The following CHRNA7 variants were observed in gnomAD, a reference collection of about 807,000 sequenced individuals.
The protein encoded by CHRNA7 is cholinergic receptor nicotinic alpha 7 subunit.
In CHRNA7, 17 loss-of-function variants were observed where a neutral mutation model predicts 48.0. That is an observed-to-expected ratio of 0.35 (90% confidence interval 0.24 to 0.53). The LOEUF is 0.53. CHRNA7 is among the 20% of genes least tolerant of loss of function. CHRNA7 has a pLI of 0.92. For missense variants in CHRNA7, 155 were observed against 577.7 expected (o/e 0.27, Z 7.50); for synonymous variants, 75 against 242.3 (o/e 0.31, Z 6.41).
chr15:32,052,374 A>T (rs1029018345), intron 2 of CHRNA7, among the ~76,000 whole-genome samples: 1 of 152,156 alleles, frequency 6.6e-6, no homozygotes, highest in Non-Finnish European at 1.5e-5. Context: ...TAGGGAGTGT[A>T]GTGGTGGTTA....
chr15:32,030,498 G>T, upstream of CHRNA7: 1 of 1,242,424 alleles, frequency 8.0e-7, no homozygotes, highest in Non-Finnish European at 1.0e-6. Context: ...AAAGGCGCGC[G>T]AGCCGAGCGG....
intron 2 of CHRNA7, among the ~76,000 whole-genome samples, chr15:32,087,999 A>G (rs1380778134): frequency 6.6e-6 from 1 of 152,190 alleles, no homozygotes; most frequent in Non-Finnish European, 1.5e-5. Flanking sequence ...TGTATTATAA[A>G]GTTCTATGAG....
chr15:32,142,385 T>C (rs2051398491), intron 4 of CHRNA7, among the ~76,000 whole-genome samples: 2 of 152,174 alleles, frequency 1.3e-5, no homozygotes, highest in African/African-American at 4.8e-5. Context: ...AATTCTCTTT[T>C]TTGGTTGTGT....
At chr15:32,030,704 C>T (rs942407691) in intron 1 of CHRNA7, 55 bp downstream of exon 1, 9 of 1,544,870 alleles carry the variant, frequency 5.8e-6, no homozygotes, top group Non-Finnish European at 7.8e-6. Context: ...GGGCACATCC[C>T]GGGCGCCTCT....
chr15:32,059,844 A>G (rs558665508), intron 2 of CHRNA7, among the ~76,000 whole-genome samples: 3 of 150,960 alleles, frequency 2.0e-5, no homozygotes, highest in Admixed American at 6.6e-5. Context: ...AGGTGTAAGG[A>G]AAAAAAGGCT....
chr15:32,150,565 TC>T (rs1317850305), intron 4 of CHRNA7, among the ~76,000 whole-genome samples: 1 of 152,076 alleles, frequency 6.6e-6, no homozygotes, highest in Non-Finnish European at 1.5e-5. Flanking sequence ...TAGTTTAACT[TC>T]CATGCAAAAA....
chr15:32,138,549 A>G (rs1204120543), intron 4 of CHRNA7, among the ~76,000 whole-genome samples: 1 of 150,276 alleles, frequency 6.7e-6, no homozygotes, highest in East Asian at 2.0e-4. Flanking sequence ...CCCAGAGTCC[A>G]TAGTTTACAT....
At chr15:32,054,293 A>G (rs557029274) in intron 2 of CHRNA7, among the ~76,000 whole-genome samples, 2 of 152,300 alleles carry the variant, frequency 1.3e-5, no homozygotes, top group Non-Finnish European at 2.9e-5. Context: ...GTGCAAATGG[A>G]TGAAATTTAC....
chr15:32,091,591 T>G (rs1210711653), intron 2 of CHRNA7, among the ~76,000 whole-genome samples: 2 of 152,234 alleles, frequency 1.3e-5, no homozygotes, highest in Non-Finnish European at 2.9e-5. Context: ...ACAGACTAAC[T>G]TGCTTCTTTC....
chr15:32,031,913 C>T (rs1175765323), intron 2 of CHRNA7, among the ~76,000 whole-genome samples: 1 of 151,902 alleles, frequency 6.6e-6, no homozygotes, highest in Non-Finnish European at 1.5e-5. Flanking sequence ...CAGGGTGGGG[C>T]ACAGGGATAA....
intron 5 of CHRNA7, chr15:32,156,196 C>G (rs1205269882): frequency 7.3e-6 from 1 of 137,186 alleles, no homozygotes; most frequent in Non-Finnish European, 1.6e-5. Context: ...CTGTCTGTCT[C>G]GGGCCATTAT....
At chr15:32,074,637 ATATTAT>A (rs113812797) in intron 2 of CHRNA7, among the ~76,000 whole-genome samples, 122 of 141,696 alleles carry the variant, frequency 8.6e-4, no homozygotes, top group African/African-American at 2.3e-3. Context: ...CACATTATTA[ATATTAT>A]TATTATTATT....
At chr15:32,059,915 T>C (rs982177785) in intron 2 of CHRNA7, among the ~76,000 whole-genome samples, 1 of 97,500 alleles carries the variant, frequency 1.0e-5, no homozygotes, top group African/African-American at 4.1e-5. Context: ...ATTAGTATCC[T>C]AAGATCTCTG....
intron 2 of CHRNA7, among the ~76,000 whole-genome samples, chr15:32,033,671 A>G (rs1331247303): frequency 6.6e-6 from 1 of 152,244 alleles, no homozygotes; most frequent in Non-Finnish European, 1.5e-5. Context: ...AAGCAGAGCC[A>G]GGTCTCTCCA....
At chr15:32,033,401 T>C (rs376963277) in intron 2 of CHRNA7, among the ~76,000 whole-genome samples, 2 of 152,342 alleles carry the variant, frequency 1.3e-5, no homozygotes, top group Admixed American at 1.3e-4. Flanking sequence ...TGTGGTCACA[T>C]GCCCAAGGTC....
intron 4 of CHRNA7, among the ~76,000 whole-genome samples, chr15:32,150,282 T>C (rs1321421051): frequency 6.6e-6 from 1 of 152,124 alleles, no homozygotes; most frequent in Non-Finnish European, 1.5e-5. Context: ...GGTCTCAAAC[T>C]TCTGGCTTCA....
chr15:32,099,667 A>C (rs986520135), intron 2 of CHRNA7: 1 of 152,098 alleles, frequency 6.6e-6, no homozygotes, highest in African/African-American at 2.4e-5. Flanking sequence ...AAAAACAACA[A>C]CTCCTTAATA....
chr15:32,139,068 G>A (rs1023297355), intron 4 of CHRNA7, among the ~76,000 whole-genome samples: 3 of 152,050 alleles, frequency 2.0e-5, no homozygotes, highest in Non-Finnish European at 4.4e-5. Context: ...CTGTTTTGCT[G>A]TCTCCATTGC....
intron 2 of CHRNA7, among the ~76,000 whole-genome samples, chr15:32,043,615 T>C (rs2049486082): frequency 6.6e-6 from 1 of 152,208 alleles, no homozygotes; most frequent in Non-Finnish European, 1.5e-5. Flanking sequence ...TTCTGTACAA[T>C]GTGAGGACTT....
Sources: gnomAD v4.1 joint callset for allele counts (sites outside exome capture counted in the v4.1 genomes callset) on GRCh38, gnomAD v4.1.1 for gene constraint, MANE v1.5 for transcripts, NCBI Gene and HGNC (gene_info 2026-07-23, HGNC 2026-07-21) for gene names.